Variants in PTMA observed in about 807,000 individuals in gnomAD.
The protein encoded by PTMA is gene sequence 28.
In PTMA, 4 loss-of-function variants were observed where a neutral mutation model predicts 16.9. That is an observed-to-expected ratio of 0.24 (90% confidence interval 0.12 to 0.54). PTMA has a LOEUF of 0.54. PTMA is among the 20% of genes least tolerant of loss of function. The pLI is 0.95. For missense variants in PTMA, 120 were observed against 137.7 expected, an observed-to-expected ratio of 0.87 and a Z score of 0.64; for synonymous variants, 58 against 47.9, an observed-to-expected ratio of 1.21 and a Z score of -0.87.
intron 1 of PTMA, among the ~76,000 whole-genome samples, chr2:231,709,110 C>T (rs967766513): frequency 4.6e-5 from 7 of 152,240 alleles, no homozygotes; most frequent in Admixed American, 3.9e-4. Flanking sequence ...ACGGAAATAA[C>T]TTTGAAACTC....
At chr2:231,710,343 C>G in intron 1 of PTMA, 1 of 1,217,652 alleles carries the variant, frequency 8.2e-7, no homozygotes, top group Non-Finnish European at 1.0e-6. Context: ...GTGCTCCCTG[C>G]GCGCGGTGCG....
chr2:231,708,928 C>T (rs2048476184), intron 1 of PTMA, among the ~76,000 whole-genome samples, 177 bp downstream of exon 1: 1 of 152,144 alleles, frequency 6.6e-6, no homozygotes, highest in African/African-American at 2.4e-5. Context: ...GGGGAGGGGG[C>T]GGGAACCGCC....
Position 231,713,110 on chromosome 2 carries a change from T to C in PTMA, c.*259T>C, listed in dbSNP as rs2048540287. ...TCTTAAAAGTACTTTAAAAAGGAAA[T>C]TTGTTTGTATTTTTTATTTACATTT... is the stretch of plus-strand genomic sequence containing the variant. On this transcript the variant is annotated 3_prime_UTR_variant, in exon 5 of 5. Transcript: ENST00000409115. 1 of 483,938 alleles carries C rather than the reference T, an allele frequency of 2.1e-6. No individual in the cohort carries two copies. Among genetic ancestry groups the C allele is most frequent in the South Asian group, 2.4e-5 (1 of 42,418 alleles). The allele number at this position is 483,938 out of a possible 1,614,324, so 30.0% of individuals were successfully genotyped here. A position where few individuals can be genotyped will look rare whatever the true frequency, so the allele number is the denominator to read the frequency against.
chr2:231,710,598 G>A (rs757150593), intron 1 of PTMA: 3 of 496,844 alleles, frequency 6.0e-6, no homozygotes, highest in Admixed American at 2.4e-5. Flanking sequence ...GGTATTGGTG[G>A]CCGTGTCGTG....
chr2:231,710,351 GC>G, intron 1 of PTMA: 1 of 1,210,682 alleles, frequency 8.3e-7, no homozygotes, highest in Non-Finnish European at 1.0e-6. Context: ...TGCGCGCGGT[GC>G]GTGCCGAGGC....
Position 231,710,000 on chromosome 2 carries a change from G to C in PTMA, c.45+1249G>C, listed in dbSNP as rs1444815552. On this transcript the variant is annotated intron_variant, in intron 1 of 4. Transcript: ENST00000409115. ...CTGGACTCAGTCCGGGAATGAGTTTGTGGGGTGAGAACACCGTCCCCAGTG... is the reference window on the plus strand; with the variant it reads ...CTGGACTCAGTCCGGGAATGAGTTTCTGGGGTGAGAACACCGTCCCCAGTG... 3.6e-6 allele frequency: 4 copies of C among 1,098,116 alleles called. No individual in the cohort carries two copies. In the East Asian group the frequency reaches 1.3e-4, roughly 36 times the overall value. 68.0% of individuals were successfully genotyped at this position (1,098,116 alleles called of 1,614,324 possible).
chr2:231,713,360 T>A lies in PTMA; in HGVS notation c.*509T>A, dbSNP rs779064314. 2.0e-5 allele frequency: 10 copies of A among 511,982 alleles called. No homozygotes were observed. Among genetic ancestry groups the A allele is most frequent in the Non-Finnish European group, 3.9e-5 (10 of 253,584 alleles). The allele number at this position is 511,982 out of a possible 1,614,324, so 31.7% of individuals were successfully genotyped here. On this transcript the variant is annotated 3_prime_UTR_variant, in exon 5 of 5. Transcript: ENST00000409115. Reference sequence around the variant, plus strand: ...TAACTTTTTTGTGTATGTACTTAGCTGTACTATAAGTAGTTGGTTTGTATG... The same window carrying A: ...TAACTTTTTTGTGTATGTACTTAGCAGTACTATAAGTAGTTGGTTTGTATG...
intron 3 of PTMA, 83 bp from the exon 4 acceptor site, chr2:231,712,357 TGCA>T (rs2048529473): frequency 1.5e-6 from 2 of 1,375,212 alleles, no homozygotes; most frequent in East Asian, 4.6e-5. Flanking sequence ...GCAGGGACCT[TGCA>T]GTCCACTACA....
intron 1 of PTMA, chr2:231,710,429 T>C: frequency 8.7e-7 from 1 of 1,146,700 alleles, no homozygotes; most frequent in African/African-American, 1.7e-5. Context: ...CCCCCACTGC[T>C]CCCCGGGGCT....
intron 1 of PTMA, chr2:231,711,073 CCTGGGAAGCGCCAGGGGGCA>C: frequency 1.2e-5 from 4 of 328,694 alleles, no homozygotes; most frequent in Non-Finnish European, 1.1e-5. Flanking sequence ...GCTCCTTTTT[CCTGGGAAGCGCCAGGGGGCA>C]GTGGGAACCG....
intron 2 of PTMA, chr2:231,711,661 T>C: frequency 1.2e-6 from 1 of 818,334 alleles, no homozygotes; most frequent in Non-Finnish European, 1.9e-6. Context: ...AGTCTGAGTT[T>C]GGGCTTGGCC....
intron 1 of PTMA, 53 bp downstream of exon 1, chr2:231,708,804 G>A: frequency 1.9e-6 from 3 of 1,576,760 alleles, no homozygotes; most frequent in Admixed American, 1.7e-5. Flanking sequence ...CCGCTCGGGC[G>A]GTGTTTGGCG....
chr2:231,709,914 G>C (rs1307121492), intron 1 of PTMA: 2 of 432,042 alleles, frequency 4.6e-6, no homozygotes, highest in Admixed American at 4.8e-5. Flanking sequence ...TCCCAGGGGC[G>C]ACTTCTTGGC....
intron 2 of PTMA, chr2:231,711,670 C>T: frequency 2.2e-6 from 2 of 892,540 alleles, no homozygotes; most frequent in Non-Finnish European, 3.3e-6. Context: ...TTGGGCTTGG[C>T]CCAGGGTGGG....
intron 2 of PTMA, 32 bp downstream of exon 2, chr2:231,711,451 A>C: frequency 1.2e-6 from 2 of 1,606,254 alleles, no homozygotes; most frequent in Non-Finnish European, 1.7e-6. Context: ...GAGCCCTGGC[A>C]GCTACCGCCC....
At chr2:231,712,119 A>G in intron 3 of PTMA, 136 bp downstream of exon 3, 3 of 1,462,484 alleles carry the variant, frequency 2.1e-6, no homozygotes, top group Non-Finnish European at 2.8e-6. Flanking sequence ...GGCCCTGGGC[A>G]CCCACCTGTA....
At position 231,712,342 on chromosome 2, in the gene PTMA, G is replaced by A. The variant is rs1394501090; in HGVS notation, c.212-101G>A. The A allele has an allele frequency of 2.4e-6, 3 of 1,255,872 alleles. No homozygotes were observed. In the African/African-American group the frequency reaches 4.4e-5, roughly 19 times the overall value. 77.8% of individuals were successfully genotyped at this position (1,255,872 alleles called of 1,614,324 possible). Reference sequence around the variant, plus strand: ...TTGGGCCCAGTTGCAGGCAGTAGAGGCAGGGCAGGGACCTTGCAGTCCACT... The same window carrying A: ...TTGGGCCCAGTTGCAGGCAGTAGAGACAGGGCAGGGACCTTGCAGTCCACT... On this transcript the variant is annotated intron_variant, in intron 3 of 4. Transcript: ENST00000409115.
At chr2:231,710,527 G>A in intron 1 of PTMA, 4 of 806,114 alleles carry the variant, frequency 5.0e-6, no homozygotes, top group Non-Finnish European at 7.4e-6. Flanking sequence ...CAGGTGGCCC[G>A]GAGCCGCTCG....
intron 2 of PTMA, chr2:231,711,688 C>A: frequency 9.9e-7 from 1 of 1,008,366 alleles, no homozygotes; most frequent in Non-Finnish European, 1.4e-6. Context: ...GGGGAAAAGC[C>A]CTTGTCCTGG....
Sources: allele counts gnomAD v4.1 joint callset (sites outside exome capture counted in the v4.1 genomes callset), GRCh38; gene constraint gnomAD v4.1.1; transcripts MANE v1.5; gene names NCBI Gene and HGNC (gene_info 2026-07-23, HGNC 2026-07-21).